The following NXPE2 variants were observed in gnomAD, a reference collection of about 807,000 sequenced individuals.
NXPE2 encodes the protein neurexophilin and PC-esterase domain family member 2.
NXPE2 carries 34 observed loss-of-function variants against 34.4 expected under a neutral mutation model. The ratio of observed to expected loss-of-function variants is 0.99; its 90% CI spans 0.75 to 1.31. NXPE2 has a LOEUF of 1.31. NXPE2 is among the 40% of genes most tolerant of loss of function. The pLI, the probability that NXPE2 is intolerant of heterozygous loss-of-function variation, is 0.00. For synonymous variants in NXPE2, 235 were observed against 231.3 expected, an observed-to-expected ratio of 1.02 and a Z score of -0.15; for missense variants, 649 against 672.5, an observed-to-expected ratio of 0.97 and a Z score of 0.39.
chr11:114,782,308 CTCTT>C, the NXPE2 span, among the ~76,000 whole-genome samples: 1 of 152,168 alleles, frequency 6.6e-6, no homozygotes, highest in African/African-American at 2.4e-5. Context: ...ATAACCTGTG[CTCTT>C]TCTGTCTTGG....
the NXPE2 span, among the ~76,000 whole-genome samples, chr11:114,531,929 A>G: frequency 6.6e-6 from 1 of 152,214 alleles, no homozygotes; most frequent in African/African-American, 2.4e-5. Context: ...TTTTTTAAAA[A>G]TATGCACTCT....
the NXPE2 span, among the ~76,000 whole-genome samples, chr11:114,597,348 T>TA: frequency 4.6e-5 from 7 of 152,208 alleles, no homozygotes; most frequent in Admixed American, 1.3e-4. Flanking sequence ...TGAATGATAT[T>TA]AACCAGGGGT....
the NXPE2 span, among the ~76,000 whole-genome samples, chr11:114,714,376 G>T: frequency 6.6e-6 from 1 of 152,196 alleles, no homozygotes; most frequent in Non-Finnish European, 1.5e-5. Context: ...AGTGTGCTTT[G>T]CCTGACAATT....
the NXPE2 span, among the ~76,000 whole-genome samples, chr11:114,795,270 G>A: frequency 6.6e-6 from 1 of 152,150 alleles, no homozygotes; most frequent in South Asian, 2.1e-4. Context: ...ATGAGCACAG[G>A]GAAAGACTCT....
the NXPE2 span, among the ~76,000 whole-genome samples, chr11:114,545,737 G>A: frequency 1.3e-5 from 2 of 150,446 alleles, no homozygotes; most frequent in Non-Finnish European, 2.9e-5. Context: ...TCTCCAGGCT[G>A]GAGTGCAGTG....
chr11:114,674,107 AAACAAACAAACAAACAAAC>A (rs1009109061), upstream of NXPE2, among the ~76,000 whole-genome samples: 1 of 106,070 alleles, frequency 9.4e-6, no homozygotes, highest in South Asian at 2.8e-4. Context: ...ACAAACAAAC[AAACAAACAAACAAACAAAC>A]AAGTGAACAA....
the NXPE2 span, among the ~76,000 whole-genome samples, chr11:114,482,851 T>C: frequency 6.6e-6 from 1 of 152,210 alleles, no homozygotes; most frequent in Non-Finnish European, 1.5e-5. Context: ...CCTTGAGAGA[T>C]CTGCGAATGT....
the NXPE2 span, among the ~76,000 whole-genome samples, chr11:114,809,321 A>C: frequency 6.6e-6 from 1 of 151,906 alleles, no homozygotes; most frequent in African/African-American, 2.4e-5. Context: ...CCTATTCAAC[A>C]TAGTGTTGGA....
the NXPE2 span, among the ~76,000 whole-genome samples, chr11:114,613,859 T>C: frequency 6.6e-6 from 1 of 152,048 alleles, no homozygotes; most frequent in African/African-American, 2.4e-5. Flanking sequence ...TATTGCCTAA[T>C]AGGTAACCAC....
At chr11:114,777,900 G>A in the NXPE2 span, among the ~76,000 whole-genome samples, 1,025 of 152,318 alleles carry the variant, frequency 6.7e-3, 9 homozygotes, top group African/African-American at 0.023. Context: ...ACTGTTTGCC[G>A]TGATTCTGAG....
At chr11:114,758,067 C>A in the NXPE2 span, among the ~76,000 whole-genome samples, 2 of 152,188 alleles carry the variant, frequency 1.3e-5, no homozygotes, top group African/African-American at 4.8e-5. Context: ...TCCTCCCAGC[C>A]TCCACAGGTG....
the NXPE2 span, among the ~76,000 whole-genome samples, chr11:114,474,903 T>A: frequency 6.6e-6 from 1 of 152,190 alleles, no homozygotes; most frequent in Non-Finnish European, 1.5e-5. Flanking sequence ...GGAAGGATTA[T>A]GATTGTCGTG....
the NXPE2 span, among the ~76,000 whole-genome samples, chr11:114,620,137 A>T: frequency 6.6e-6 from 1 of 151,852 alleles, no homozygotes; most frequent in Non-Finnish European, 1.5e-5. Flanking sequence ...CTCGTGGGAA[A>T]CCACTGTTAA....
the NXPE2 span, among the ~76,000 whole-genome samples, chr11:114,788,138 C>T: frequency 6.6e-6 from 1 of 152,218 alleles, no homozygotes. Context: ...TCTACCTCCC[C>T]CACCCATGGA....
the NXPE2 span, among the ~76,000 whole-genome samples, chr11:114,598,725 G>C: frequency 6.6e-6 from 1 of 152,110 alleles, no homozygotes; most frequent in Non-Finnish European, 1.5e-5. Flanking sequence ...TTTTGAGGCT[G>C]TGCAGGGTGA....
chr11:114,556,583 G>T, the NXPE2 span, among the ~76,000 whole-genome samples: 1 of 151,902 alleles, frequency 6.6e-6, no homozygotes, highest in Non-Finnish European at 1.5e-5. Context: ...CAGGATAAGA[G>T]CCCTTAAAGC....
chr11:114,594,620 C>A, the NXPE2 span: 1 of 1,302,962 alleles, frequency 7.7e-7, no homozygotes, highest in Non-Finnish European at 1.1e-6. Context: ...AGGTAATAAG[C>A]AAAAATAAGC....
the NXPE2 span, among the ~76,000 whole-genome samples, chr11:114,624,865 G>A: frequency 6.6e-6 from 1 of 152,074 alleles, no homozygotes; most frequent in South Asian, 2.1e-4. Context: ...ACTGCCTCAT[G>A]GGAAACCACT....
At chr11:114,594,592 C>T in the NXPE2 span, 1 of 949,712 alleles carries the variant, frequency 1.1e-6, no homozygotes, top group Non-Finnish European at 1.7e-6. Flanking sequence ...TGTAGTTTAG[C>T]CTTTCCTAGA....
Sources: allele counts gnomAD v4.1 joint callset (sites outside exome capture counted in the v4.1 genomes callset), GRCh38; gene constraint gnomAD v4.1.1; transcripts MANE v1.5; gene names NCBI Gene and HGNC (gene_info 2026-07-23, HGNC 2026-07-21).